Variants in EFCAB6 observed in about 807,000 individuals in gnomAD.
EFCAB6 encodes the protein EF-hand calcium-binding domain-containing protein 6.
In EFCAB6, 156 loss-of-function variants were observed where a neutral mutation model predicts 169.8. The ratio of observed to expected loss-of-function variants is 0.92; its 90% CI spans 0.81 to 1.05. EFCAB6 has a LOEUF of 1.05. Ranked by LOEUF, EFCAB6 falls within the 50% of genes least tolerant of loss-of-function variation. EFCAB6 has a pLI of 0.00. For missense variants in EFCAB6, 1,800 were observed against 1,829.1 expected (o/e 0.98, Z 0.29); for synonymous variants, 698 against 676.4 (o/e 1.03, Z -0.50).
intron 8 of EFCAB6, among the ~76,000 whole-genome samples, chr22:43,724,100 C>T (rs75622167): frequency 0.012 from 1,849 of 152,280 alleles, 20 homozygotes; most frequent in African/African-American, 0.015. Flanking sequence ...CATCCTTTTG[C>T]TTCCAAATCT....
chr22:43,561,270 T>C (rs1347391031), intron 26 of EFCAB6, among the ~76,000 whole-genome samples: 1 of 151,580 alleles, frequency 6.6e-6, no homozygotes, highest in East Asian at 1.9e-4. Flanking sequence ...GGCAGAAGAA[T>C]TGCTTGAACC....
intron 17 of EFCAB6, among the ~76,000 whole-genome samples, chr22:43,645,675 G>A (rs1383839739): frequency 6.6e-6 from 1 of 152,116 alleles, no homozygotes; most frequent in East Asian, 1.9e-4. Context: ...GTAGTGATAC[G>A]TATATTTCCG....
intron 27 of EFCAB6, among the ~76,000 whole-genome samples, chr22:43,549,518 C>G (rs936593221): frequency 1.3e-5 from 2 of 152,110 alleles, no homozygotes; most frequent in African/African-American, 2.4e-5. Flanking sequence ...GCTTTATAAT[C>G]CTGAAAGAAA....
chr22:43,715,827 C>T (rs2059315690), intron 9 of EFCAB6, among the ~76,000 whole-genome samples: 1 of 152,208 alleles, frequency 6.6e-6, no homozygotes, highest in African/African-American at 2.4e-5. Context: ...AAATTACCCA[C>T]AAATATGACA....
rs1045261941 is a variant in EFCAB6 at position 43,635,018 on chromosome 22, G to C, written c.2098+84C>G. 3.9e-5 allele frequency: 41 copies of C among 1,056,766 alleles called. No individual in the cohort carries two copies. The South Asian group carries it at 5.1e-4, about 13-fold the overall frequency. The allele number at this position is 1,056,766 out of a possible 1,614,324, so 65.5% of individuals were successfully genotyped here. On this transcript the variant is annotated intron_variant, in intron 18 of 31. Coordinates refer to ENST00000262726, the MANE Select transcript of EFCAB6 (RefSeq NM_022785.4). ...ATCTCAGCTTGTGCTACTTCAACCC[G>C]AGTGGCCTGGTGGCACTGCTAGCAA...
intron 2 of EFCAB6, among the ~76,000 whole-genome samples, chr22:43,784,539 G>GTATATATACACACATATATA (rs1412650507): frequency 1.1e-5 from 1 of 91,954 alleles, no homozygotes; most frequent in African/African-American, 4.1e-5. Flanking sequence ...GTGTGTGTGT[G>GTATATATACACACATATATA]TGTGTATATG....
At chr22:43,708,808 T>C (rs1057405604) in intron 10 of EFCAB6, among the ~76,000 whole-genome samples, 2 of 152,156 alleles carry the variant, frequency 1.3e-5, no homozygotes, top group Non-Finnish European at 2.9e-5. Context: ...CTTCCAGATA[T>C]GTGTACCAGG....
At chr22:43,597,707 G>A (rs552056750) in intron 23 of EFCAB6, among the ~76,000 whole-genome samples, 29 of 152,272 alleles carry the variant, frequency 1.9e-4, no homozygotes, top group Admixed American at 3.3e-4. Flanking sequence ...CACAACCACC[G>A]TATGATCCAG....
At chr22:43,546,541 C>T (rs1209045906) in intron 27 of EFCAB6, among the ~76,000 whole-genome samples, 2 of 152,122 alleles carry the variant, frequency 1.3e-5, no homozygotes, top group East Asian at 1.9e-4. Flanking sequence ...AAATTCTCTA[C>T]CCAGAAAAGT....
In EFCAB6 at chr22:43,580,462, A is replaced by T; in HGVS notation, c.3228+2T>A. The T allele has an allele frequency of 6.2e-7, 1 of 1,613,966 alleles. No individual in the cohort carries two copies. The highest frequency in any genetic ancestry group is 8.5e-7 in the Non-Finnish European group (1 of 1,179,966). On this transcript the variant is annotated splice_donor_variant, in intron 25 of 31. Transcript: ENST00000262726. LOFTEE classifies it high-confidence loss of function. ...CAGTAAAGCACTTTCAGCCTGTCATACCGTGGACAAAGCCAGCTGGGAGGA... is the reference window on the plus strand; with the variant it reads ...CAGTAAAGCACTTTCAGCCTGTCATTCCGTGGACAAAGCCAGCTGGGAGGA...
intron 3 of EFCAB6, among the ~76,000 whole-genome samples, chr22:43,777,179 T>C (rs2061667807): frequency 6.6e-6 from 1 of 152,106 alleles, no homozygotes; most frequent in Non-Finnish European, 1.5e-5. Flanking sequence ...ATGAGATAAA[T>C]GACAGTGTCA....
intron 20 of EFCAB6, among the ~76,000 whole-genome samples, chr22:43,619,040 T>C (rs2053944210): frequency 2.6e-5 from 4 of 152,112 alleles, no homozygotes; most frequent in Admixed American, 2.0e-4. Context: ...CCTTGGGGGC[T>C]ACAGAGTGTG....
At chr22:43,575,196 GTTTGTTTGTTTTGAGACAGAGTCTTGCTC>G (rs1434027212) in intron 26 of EFCAB6, among the ~76,000 whole-genome samples, 1 of 150,870 alleles carries the variant, frequency 6.6e-6, no homozygotes, top group African/African-American at 2.4e-5. Flanking sequence ...GTTGTTGTTT[GTTTGTTTGTTTTGAGACAGAGTCTTGCTC>G]TGTCACCCAG....
At chr22:43,775,392 C>T (rs1013667958) in intron 3 of EFCAB6, among the ~76,000 whole-genome samples, 1 of 152,176 alleles carries the variant, frequency 6.6e-6, no homozygotes, top group Non-Finnish European at 1.5e-5. Context: ...TGATACATGA[C>T]ATGTGTGATC....
intron 3 of EFCAB6, among the ~76,000 whole-genome samples, chr22:43,781,771 T>A (rs1251865525): frequency 6.6e-6 from 1 of 151,986 alleles, no homozygotes; most frequent in East Asian, 1.9e-4. Context: ...ACCACAGTAA[T>A]ATGAGATGTT....
chr22:43,712,668 C>G (rs1033177220), intron 9 of EFCAB6, among the ~76,000 whole-genome samples: 1 of 152,122 alleles, frequency 6.6e-6, no homozygotes, highest in Admixed American at 6.5e-5. Context: ...GATACACTGC[C>G]TGGGGGAAGA....
At chr22:43,799,071 C>A (rs1422368214) in intron 2 of EFCAB6, among the ~76,000 whole-genome samples, 3 of 152,064 alleles carry the variant, frequency 2.0e-5, no homozygotes, top group African/African-American at 7.2e-5. Context: ...ACCTTTAACC[C>A]CAGCACTTTG....
At chr22:43,540,635 A>C in intron 27 of EFCAB6, 2 of 1,207,170 alleles carry the variant, frequency 1.7e-6, no homozygotes, top group Non-Finnish European at 1.1e-6. Context: ...AAGGCCATTA[A>C]ATCTTGTGAT....
intron 26 of EFCAB6, 37 bp downstream of exon 26, chr22:43,576,260 T>C: frequency 6.5e-7 from 1 of 1,538,740 alleles, no homozygotes; most frequent in Admixed American, 2.5e-5. Context: ...TTTAGCTCAT[T>C]TTCAAAGAGA....
Sources: allele counts gnomAD v4.1 joint callset (sites outside exome capture counted in the v4.1 genomes callset), GRCh38; gene constraint gnomAD v4.1.1; transcripts MANE v1.5; gene names NCBI Gene and HGNC (gene_info 2026-07-23, HGNC 2026-07-21).